The following USH2A variants were observed in gnomAD, a reference collection of about 807,000 sequenced individuals.
The protein encoded by USH2A is usherin, also known as Usher syndrome 2A (autosomal recessive, mild).
In USH2A, 443 loss-of-function variants were observed where a neutral mutation model predicts 538.9. That is an observed-to-expected ratio of 0.82 (90% CI 0.76 to 0.89). The LOEUF is 0.89. Among genes scored for constraint, USH2A ranks in the 40% least tolerant of loss-of-function variants. The probability of loss-of-function intolerance (pLI) is 0.00; values close to 1 mark genes in which losing one functional copy is unlikely to be tolerated. For missense variants in USH2A, 6,633 were observed against 6,324.8 expected, an observed-to-expected ratio of 1.05 and a Z score of -1.65; for synonymous variants, 2,413 against 2,273.5, an observed-to-expected ratio of 1.06 and a Z score of -1.75.
At chr1:215,693,705 G>A (rs1208206221) in intron 61 of USH2A, among the ~76,000 whole-genome samples, 1 of 152,192 alleles carries the variant, frequency 6.6e-6, no homozygotes, top group Non-Finnish European at 1.5e-5. Context: ...AGCCAGCAGA[G>A]TGACTACATC....
At chr1:215,700,435 C>T (rs1455986800) in intron 61 of USH2A, among the ~76,000 whole-genome samples, 1 of 152,108 alleles carries the variant, frequency 6.6e-6, no homozygotes, top group Non-Finnish European at 1.5e-5. Context: ...TCCTTCTGGT[C>T]CTGGGCTTTT....
At chr1:215,943,677 G>T (rs2102434164) in intron 37 of USH2A, among the ~76,000 whole-genome samples, 1 of 152,204 alleles carries the variant, frequency 6.6e-6, no homozygotes, top group African/African-American at 2.4e-5. Flanking sequence ...CTCTAAAATT[G>T]TTGAGAATCC....
intron 15 of USH2A, 102 bp downstream of exon 15, chr1:216,217,285 T>A: frequency 6.8e-7 from 1 of 1,468,994 alleles, no homozygotes; most frequent in South Asian, 1.2e-5. Context: ...CACATTGTAC[T>A]AAGCCTTTCT....
chr1:215,882,500 G>T (rs1423517967), intron 41 of USH2A, among the ~76,000 whole-genome samples: 1 of 151,856 alleles, frequency 6.6e-6, no homozygotes, highest in African/African-American at 2.4e-5. Context: ...TATTCTATTT[G>T]TATTTTTTCA....
intron 3 of USH2A, among the ~76,000 whole-genome samples, chr1:216,401,250 C>T (rs899426049): frequency 6.6e-5 from 10 of 152,036 alleles, no homozygotes; most frequent in African/African-American, 2.4e-4. Flanking sequence ...CTTACATATA[C>T]TTTAATACCT....
At chr1:215,684,850 T>C (rs1405805916) in intron 61 of USH2A, among the ~76,000 whole-genome samples, 1 of 150,814 alleles carries the variant, frequency 6.6e-6, no homozygotes, top group Non-Finnish European at 1.5e-5. Flanking sequence ...TCCTTAGTTA[T>C]GATGAATACC....
chr1:215,963,902 G>C (rs997853863), intron 37 of USH2A, among the ~76,000 whole-genome samples: 5 of 152,114 alleles, frequency 3.3e-5, no homozygotes, highest in African/African-American at 1.2e-4. Context: ...TCCACTGGGA[G>C]AAATCAGTAA....
At chr1:216,224,225 C>G (rs137967194) in intron 14 of USH2A, among the ~76,000 whole-genome samples, 357 of 152,162 alleles carry the variant, frequency 2.3e-3, no homozygotes, top group African/African-American at 8.3e-3. Context: ...GTCCTGGGGG[C>G]TATGGGGGAG....
chr1:215,886,457 A>C (rs1273995851), intron 41 of USH2A: 1 of 152,248 alleles, frequency 6.6e-6, no homozygotes, highest in Admixed American at 6.5e-5. Flanking sequence ...ATAGCATTAA[A>C]TACTAGACTC....
intron 41 of USH2A, among the ~76,000 whole-genome samples, chr1:215,887,869 G>T (rs1443328421): frequency 1.3e-5 from 2 of 152,154 alleles, no homozygotes; most frequent in Non-Finnish European, 2.9e-5. Flanking sequence ...CCTCCTGTTT[G>T]GTTACACTAA....
intron 38 of USH2A, among the ~76,000 whole-genome samples, chr1:215,921,332 C>T (rs960098090): frequency 2.7e-4 from 41 of 152,058 alleles, no homozygotes; most frequent in African/African-American, 8.9e-4. Context: ...GGGTACGTAC[C>T]ACATAATATT....
intron 21 of USH2A, among the ~76,000 whole-genome samples, chr1:216,125,305 A>C (rs764774161): frequency 1.3e-5 from 2 of 151,908 alleles, no homozygotes; most frequent in Non-Finnish European, 2.9e-5. Context: ...TAAAACTCAA[A>C]CAATATGGGA....
intron 32 of USH2A, among the ~76,000 whole-genome samples, chr1:216,013,714 T>A (rs1668634710): frequency 6.6e-6 from 1 of 151,824 alleles, no homozygotes; most frequent in Admixed American, 6.6e-5. Context: ...GACTGTAATT[T>A]TCCTTTACCT....
At chr1:216,225,647 C>T (rs1042410205) in intron 14 of USH2A, among the ~76,000 whole-genome samples, 1 of 152,190 alleles carries the variant, frequency 6.6e-6, no homozygotes, top group African/African-American at 2.4e-5. Context: ...TTCTACTCAA[C>T]AACAGAGCCA....
intron 38 of USH2A, among the ~76,000 whole-genome samples, chr1:215,902,908 G>C (rs1665538876): frequency 6.6e-6 from 1 of 152,100 alleles, no homozygotes; most frequent in Admixed American, 6.6e-5. Context: ...CTTCATAGGA[G>C]TTGTAGGTCA....
chr1:216,225,130 A>C (rs2035536422), intron 14 of USH2A, among the ~76,000 whole-genome samples: 2 of 152,254 alleles, frequency 1.3e-5, no homozygotes, highest in Admixed American at 1.3e-4. Flanking sequence ...AAAAAACAAA[A>C]ATTTCTTATA....
At chr1:216,170,939 T>C (rs546360504) in intron 21 of USH2A, among the ~76,000 whole-genome samples, 1 of 152,220 alleles carries the variant, frequency 6.6e-6, no homozygotes, top group Admixed American at 6.5e-5. Context: ...TTTAACCCCA[T>C]GTAACTGGGG....
chr1:216,395,881 C>T (rs1225366013), intron 3 of USH2A, among the ~76,000 whole-genome samples: 3 of 151,988 alleles, frequency 2.0e-5, no homozygotes. Flanking sequence ...GAAATATTGC[C>T]CCAAATCAAT....
intron 9 of USH2A, among the ~76,000 whole-genome samples, chr1:216,313,863 T>C (rs1401693161): frequency 6.6e-6 from 1 of 152,170 alleles, no homozygotes; most frequent in Non-Finnish European, 1.5e-5. Context: ...TGGCTTTCAT[T>C]GTGGCTGTTG....
Sources: allele counts gnomAD v4.1 joint callset (sites outside exome capture counted in the v4.1 genomes callset), GRCh38; gene constraint gnomAD v4.1.1; transcripts MANE v1.5; gene names NCBI Gene and HGNC (gene_info 2026-07-23, HGNC 2026-07-21).